EIF3B: variants seen among roughly 807,000 people sequenced by gnomAD.
The protein encoded by EIF3B is eukaryotic translation initiation factor 3 subunit B.
EIF3B carries 10 observed loss-of-function variants against 104.6 expected under a neutral mutation model. The observed-to-expected ratio is 0.10, with a 90% CI of 0.06 to 0.16. The LOEUF is 0.16. Ranked by LOEUF, EIF3B falls within the 10% of genes least tolerant of loss-of-function variation. The pLI is 1.00. For synonymous variants in EIF3B, 542 were observed against 417.2 expected (o/e 1.30, Z -3.65); for missense variants, 1,014 against 1,087.9 (o/e 0.93, Z 0.96).
chr7:2,355,504 C>T (rs1291066659), intron 1 of EIF3B, 84 bp downstream of exon 1: 3 of 1,395,162 alleles, frequency 2.2e-6, no homozygotes, highest in East Asian at 5.7e-5. Context: ...CGGGCTGTGC[C>T]ACCGGTTCGT....
chr7:2,362,549 C>A, intron 2 of EIF3B, 96 bp from the exon 3 acceptor site: 1 of 1,486,306 alleles, frequency 6.7e-7, no homozygotes. Flanking sequence ...ATACTCCTGG[C>A]ACCGAGGGCT....
At chr7:2,372,498 C>T (rs543190415) in intron 11 of EIF3B, among the ~76,000 whole-genome samples, 175 bp from the exon 12 acceptor site, 1 of 152,176 alleles carries the variant, frequency 6.6e-6, no homozygotes, top group African/African-American at 2.4e-5. Flanking sequence ...GCAGCTGTCT[C>T]TGAAACTCCA....
chr7:2,369,199 T>A (rs1289594441), intron 9 of EIF3B, among the ~76,000 whole-genome samples: 1 of 152,040 alleles, frequency 6.6e-6, no homozygotes, highest in Non-Finnish European at 1.5e-5. Context: ...CAGGCTGGAG[T>A]CCATATGAGT....
intron 11 of EIF3B, chr7:2,372,199 C>G: frequency 3.8e-6 from 1 of 261,810 alleles, no homozygotes; most frequent in Non-Finnish European, 7.4e-6. Flanking sequence ...GAGCAAGACC[C>G]TGTCTAAAAA....
chr7:2,377,399 G>A (rs1175478903), intron 15 of EIF3B, among the ~76,000 whole-genome samples: 11 of 152,368 alleles, frequency 7.2e-5, no homozygotes, highest in Admixed American at 2.0e-4. Context: ...AAAATAGGCC[G>A]TTGGTCTTAG....
intron 2 of EIF3B, 48 bp from the exon 3 acceptor site, chr7:2,362,597 G>C: frequency 6.2e-7 from 1 of 1,611,304 alleles, no homozygotes; most frequent in Non-Finnish European, 8.5e-7. Flanking sequence ...GCGCATACCT[G>C]CCTAGCCTTA....
At chr7:2,364,577 C>G in intron 6 of EIF3B, 48 bp downstream of exon 6, 1 of 1,538,650 alleles carries the variant, frequency 6.5e-7, no homozygotes, top group South Asian at 1.2e-5. Flanking sequence ...TCACCCCATG[C>G]CAGCCTTCTA....
At chr7:2,355,980 T>TATAA (rs1491486146) in intron 1 of EIF3B, among the ~76,000 whole-genome samples, 1 of 148,456 alleles carries the variant, frequency 6.7e-6, no homozygotes, top group Non-Finnish European at 1.5e-5. Context: ...GCGCTAAATC[T>TATAA]ATAAAGAGAG....
At chr7:2,366,891 CT>C in intron 8 of EIF3B, 107 bp from the exon 9 acceptor site, 1 of 1,218,866 alleles carries the variant, frequency 8.2e-7, no homozygotes. Context: ...GCACTGCCCC[CT>C]AGGCAAACTC....
At chr7:2,362,221 A>C (rs571485665) in intron 2 of EIF3B, among the ~76,000 whole-genome samples, 1 of 152,180 alleles carries the variant, frequency 6.6e-6, no homozygotes, top group Non-Finnish European at 1.5e-5. Context: ...TGGCCTCCCA[A>C]AGTGCTGGGA....
rs1780212372 is a variant in EIF3B, at chr7:2,369,644, T to A, written c.1576T>A (p.Leu526Met). 2 of 1,614,184 alleles carry A rather than the reference T, an allele frequency of 1.2e-6. No individual in the cohort carries two copies. Among genetic ancestry groups the A allele is most frequent in the Non-Finnish European group, 1.7e-6 (2 of 1,180,032 alleles). Reference sequence around the variant, plus strand: ...CCATTGGCAGAAGAACGGAGACTACTTGTGTGTGAAAGTAGATAGGACTCC... The same window carrying A: ...CCATTGGCAGAAGAACGGAGACTACATGTGTGTGAAAGTAGATAGGACTCC... ...KLHWQKNGDY[L>M]CVKVDRTPKG... Residue 526 changes from leucine (L) to methionine (M), a missense_variant, in exon 10 of 19, where the codon TTG (leucine) becomes ATG (methionine). This residue lies in a region of EIF3B where 59 missense variants were observed against 118.8 expected (regional missense o/e 0.50). Coordinates refer to ENST00000360876, the MANE Select transcript of EIF3B (RefSeq NM_001037283.2).
chr7:2,366,068 G>A (rs1373223964), intron 6 of EIF3B, among the ~76,000 whole-genome samples: 2 of 152,180 alleles, frequency 1.3e-5, no homozygotes, highest in African/African-American at 4.8e-5. Context: ...TCACTTAGCA[G>A]CCTTGTGTGG....
intron 12 of EIF3B, 47 bp from the exon 13 acceptor site, chr7:2,374,481 C>A: frequency 6.3e-7 from 1 of 1,598,514 alleles, no homozygotes; most frequent in Non-Finnish European, 8.6e-7. Flanking sequence ...TGCCCCGGCA[C>A]TGTGGAAGCC....
chr7:2,370,370 G>A (rs949196925), intron 10 of EIF3B, among the ~76,000 whole-genome samples: 2 of 151,966 alleles, frequency 1.3e-5, no homozygotes, highest in African/African-American at 4.8e-5. Flanking sequence ...CCAGCTACTC[G>A]GGAGGCTGAG....
At chr7:2,369,328 A>T in intron 9 of EIF3B, 144 bp from the exon 10 acceptor site, 1 of 834,532 alleles carries the variant, frequency 1.2e-6, no homozygotes, top group Non-Finnish European at 2.0e-6. Context: ...TGCCCAGAGC[A>T]GTGGCTGTGC....
Position 2,378,743 on chromosome 7 carries a change from T to C in EIF3B, c.2209T>C (p.Leu737=). The change falls in exon 16 of 19, where the codon TTG becomes CTG. Residue 737 remains leucine (L), a synonymous_variant. Coordinates refer to ENST00000360876, the MANE Select transcript of EIF3B (RefSeq NM_001037283.2). ...TAAGATCTTTGAACAGAAGGATCGT[T>C]TGAGTCAGTCCAAAGCCTCAAAGGT... ...YSKIFEQKDR[L]SQSKASKELV... 1 of 1,614,060 alleles carries C rather than the reference T, an allele frequency of 6.2e-7. No individual in the cohort carries two copies. Among genetic ancestry groups the C allele is most frequent in the Non-Finnish European group, 8.5e-7 (1 of 1,179,954 alleles).
At chr7:2,368,610 A>G (rs1780156985) in intron 9 of EIF3B, among the ~76,000 whole-genome samples, 1 of 152,134 alleles carries the variant, frequency 6.6e-6, no homozygotes. Context: ...GCTTCCTTCC[A>G]TCTACCTCGT....
At chr7:2,363,273 T>G in intron 4 of EIF3B, 146 bp downstream of exon 4, 1 of 775,244 alleles carries the variant, frequency 1.3e-6, no homozygotes, top group Non-Finnish European at 2.2e-6. Flanking sequence ...GGCAACAAAG[T>G]GAGACCCCCG....
Position 2,379,358 on chromosome 7 carries a change from GC to G in EIF3B, c.2342-31del, listed in dbSNP as rs779671913. The G allele has an allele frequency of 3.2e-6, 5 of 1,559,960 alleles. No individual in the cohort carries two copies. The South Asian group carries it at 5.8e-5, about 18-fold the overall frequency. ...GCCTCGGCGGTGCCACTAGGCATGT[GC>G]CCCCATGGGTGATCTGCGCCCTTTG... On this transcript the variant is annotated intron_variant, in intron 17 of 18. Coordinates refer to ENST00000360876, the MANE Select transcript of EIF3B (RefSeq NM_001037283.2).
Sources: gnomAD v4.1 joint callset for allele counts (sites outside exome capture counted in the v4.1 genomes callset) on GRCh38, gnomAD v4.1.1 for gene constraint, gnomAD v4.1.1 regional missense constraint, MANE v1.5 for transcripts, NCBI Gene and HGNC (gene_info 2026-07-23, HGNC 2026-07-21) for gene names.